The following PSG5 variants were observed in gnomAD, a reference collection of about 807,000 sequenced individuals.
The protein encoded by PSG5 is pregnancy-specific beta-1-glycoprotein 5.
PSG5 carries 53 observed loss-of-function variants against 37.7 expected under a neutral mutation model. That is an observed-to-expected ratio of 1.41 (90% CI 1.13 to 1.77). The LOEUF is 1.77. Ranked by LOEUF, PSG5 falls within the 40% of genes most tolerant of loss-of-function variation. The pLI is 0.00. For synonymous variants in PSG5, 221 were observed against 155.4 expected, an observed-to-expected ratio of 1.42 and a Z score of -3.14; for missense variants, 547 against 405.2, an observed-to-expected ratio of 1.35 and a Z score of -3.00.
In PSG5 at chr19:43,177,490, C is replaced by G. The variant is rs1244671473; in HGVS notation, c.431-1342G>C. 2.6e-5 allele frequency among the ~76,000 whole-genome samples: 4 copies of G among 151,026 alleles called. No individual in the cohort carries two copies. In the East Asian group the frequency reaches 7.7e-4, roughly 29 times the overall value. ...GTGGGCAAAAGTGGGAGGTGATAAG[C>G]CAAATATATTCCTGCCCTTTTTTTT... On this transcript the variant is annotated intron_variant, in intron 2 of 5. Transcript: ENST00000342951.
intron 2 of PSG5, among the ~76,000 whole-genome samples, chr19:43,183,759 C>A (rs1055784547): frequency 9.7e-5 from 14 of 144,144 alleles, no homozygotes; most frequent in Non-Finnish European, 1.9e-4. Flanking sequence ...AGTAAGCCCT[C>A]ACTTCTGGTG....
chr19:43,183,777 T>A lies in PSG5; in HGVS notation c.430+1005A>T, dbSNP rs532038660. Among the ~76,000 whole-genome samples the A allele has an allele frequency of 3.8e-3, 525 of 136,522 alleles. 5 individuals carry two copies. The highest frequency in any genetic ancestry group is 0.013 in the African/African-American group (506 of 38,254). The allele number at this position is 136,522 out of a possible 152,430, so 89.6% of individuals were successfully genotyped here. ...AAGCCCTCACTTCTGGTGGAGAAGA[T>A]GGGCCTGTGGCTGCAGACAGACCTC... is the stretch of plus-strand genomic sequence containing the variant. On this transcript the variant is annotated intron_variant, in intron 2 of 5. Transcript: ENST00000342951.
chr19:43,174,058 C>T (rs1206379449), intron 4 of PSG5: 1 of 151,762 alleles, frequency 6.6e-6, no homozygotes, highest in Non-Finnish European at 1.5e-5. Context: ...TCCAATACAT[C>T]GTGCAAAATG....
chr19:43,170,260 C>T, intron 4 of PSG5, 122 bp from the exon 5 acceptor site: 2 of 964,562 alleles, frequency 2.1e-6, no homozygotes, highest in South Asian at 1.5e-5. Context: ...TACATTATTC[C>T]TCTTGGGAAA....
intron 2 of PSG5, chr19:43,183,322 C>G (rs1474186962): frequency 2.2e-5 from 10 of 458,688 alleles, no homozygotes; most frequent in Middle Eastern, 7.6e-4. Context: ...GGACAAGGGA[C>G]AGGTGTGGCT....
At chr19:43,178,978 T>G (rs757707506) in intron 2 of PSG5, 23 of 1,612,656 alleles carry the variant, frequency 1.4e-5, no homozygotes, top group East Asian at 6.7e-5. Context: ...ACACCAAATA[T>G]AAAGAGGGTC....
intron 4 of PSG5, chr19:43,174,920 G>A (rs1968973122): frequency 7.9e-6 from 10 of 1,262,474 alleles, no homozygotes; most frequent in Admixed American, 3.0e-5. Flanking sequence ...ACTTGATCTT[G>A]AGGACTCTCC....
chr19:43,171,340 A>G (rs933364476), intron 4 of PSG5: 1 of 152,028 alleles, frequency 6.6e-6, no homozygotes, highest in East Asian at 1.9e-4. Flanking sequence ...TCTCATTGCA[A>G]TTTTCAGGTG....
chr19:43,173,631 T>C (rs1968947166), intron 4 of PSG5, among the ~76,000 whole-genome samples: 1 of 151,552 alleles, frequency 6.6e-6, no homozygotes, highest in African/African-American at 2.4e-5. Flanking sequence ...CTTAGAGATA[T>C]GCAAATCAAA....
At chr19:43,172,001 AAAAG>A (rs1414353757) in intron 4 of PSG5, among the ~76,000 whole-genome samples, 1 of 150,248 alleles carries the variant, frequency 6.7e-6, no homozygotes, top group African/African-American at 2.5e-5. Context: ...AAAAAAAAGA[AAAAG>A]AAAGAAAGAA....
chr19:43,175,262 G>C lies in PSG5; in HGVS notation c.917C>G (p.Ser306Ter). The change falls in exon 4 of 6, where the codon TCA (serine) becomes TGA (stop). Residue 306 changes from serine to a stop codon, truncating the protein, a stop_gained. Coordinates refer to ENST00000342951, the MANE Select transcript of PSG5 (RefSeq NM_002781.4). LOFTEE classifies it high-confidence loss of function. Reference protein sequence around the residue: ...RGLYTCSVRNSATGKESSKSM... With the variant: ...RGLYTCSVRN ...TTTGGAGCTTTCCTTGCCAGTAGCT[G>C]AGTTACGAACAGAGCAAGTATAGAG... The C allele has an allele frequency of 1.2e-6, 2 of 1,612,768 alleles. No individual in the cohort carries two copies. The highest frequency in any genetic ancestry group is 1.7e-6 in the Non-Finnish European group (2 of 1,179,204).
At position 43,179,293 on chromosome 19, in the gene PSG5, A is replaced by G. The variant is rs1568373930; in HGVS notation, c.431-3145T>C. ...AAAGCCCATGGCAGGTGTGTGTGTT[A>G]CAAGACAGATGCATGGCAATCTGAG... On this transcript the variant is annotated intron_variant, in intron 2 of 5. Coordinates refer to ENST00000342951, the MANE Select transcript of PSG5 (RefSeq NM_002781.4). 1.3e-5 allele frequency: 16 copies of G among 1,259,812 alleles called. 1 individual carries two copies. The highest frequency in any genetic ancestry group is 8.8e-5 in the South Asian group (6 of 68,200). The allele number at this position is 1,259,812 out of a possible 1,614,324, so 78.0% of individuals were successfully genotyped here. A position where few individuals can be genotyped will look rare whatever the true frequency, so the allele number is the denominator to read the frequency against.
rs201868685 is a variant in PSG5, at chr19:43,184,824, T to C, written c.388A>G (p.Arg130Gly). The change falls in exon 2 of 6, where the codon AGG becomes GGG. Residue 130 changes from arginine (R) to glycine (G), a missense_variant. Transcript: ENST00000342951. ...AAATATCCAGTTACTCCTCTAGTCCTATCACCTCGCTTTATGATGTGTAAG... is the reference window on the plus strand; with the variant it reads ...AAATATCCAGTTACTCCTCTAGTCCCATCACCTCGCTTTATGATGTGTAAG... ...YTLHIIKRGD[R>G]TRGVTGYFTF... 3.5e-5 allele frequency: 56 copies of C among 1,612,452 alleles called. 1 individual carries two copies. The Admixed American group carries it at 4.0e-4, about 12-fold the overall frequency.
At chr19:43,182,034 T>C (rs201669500) in intron 2 of PSG5, among the ~76,000 whole-genome samples, 1 of 151,666 alleles carries the variant, frequency 6.6e-6, no homozygotes, top group East Asian at 1.9e-4. Context: ...CAAAGTAGCA[T>C]GTCTGACTCC....
chr19:43,169,757 A>G (rs1731709987), intron 5 of PSG5, among the ~76,000 whole-genome samples: 1 of 151,698 alleles, frequency 6.6e-6, no homozygotes, highest in African/African-American at 2.4e-5. Context: ...AGAGAATTAC[A>G]CTATTGAGAG....
Position 43,186,433 on chromosome 19 carries a change from G to A in PSG5, c.-28C>T. On this transcript the variant is annotated 5_prime_UTR_variant, in exon 1 of 6. Transcript: ENST00000342951. ...TCTCTGCGCCTGCGTGTTCTCCTCTGTGGAGCTGAGCCTAGGATCCAGAAA... is the reference window on the plus strand; with the variant it reads ...TCTCTGCGCCTGCGTGTTCTCCTCTATGGAGCTGAGCCTAGGATCCAGAAA... 1 of 1,611,304 alleles carries A rather than the reference G, an allele frequency of 6.2e-7. No individual in the cohort carries two copies. The highest frequency in any genetic ancestry group is 8.5e-7 in the Non-Finnish European group (1 of 1,178,348).
At chr19:43,185,627 G>T (rs374732346) in intron 1 of PSG5, among the ~76,000 whole-genome samples, 1 of 151,538 alleles carries the variant, frequency 6.6e-6, no homozygotes, top group East Asian at 1.9e-4. Context: ...ATGACAGCGT[G>T]AGCTCTGTGA....
At position 43,168,176 on chromosome 19, in the gene PSG5, T is replaced by C. The variant is rs1968827098; in HGVS notation, c.*68A>G. The stretch of plus-strand genomic sequence containing the variant: ...ATTTTGGACTGTAGGTGATTGTAAG[T>C]AGTTTGAGGAAGAATCAAAGCAACT... On this transcript the variant is annotated 3_prime_UTR_variant, in exon 6 of 6. Transcript: ENST00000342951. 2.4e-6 allele frequency: 1 copy of C among 416,242 alleles called. No homozygotes were observed. Among genetic ancestry groups the C allele is most frequent in the Admixed American group, 4.5e-5 (1 of 22,468 alleles). The allele number at this position is 416,242 out of a possible 1,614,324, so 25.8% of individuals were successfully genotyped here. A position where few individuals can be genotyped will look rare whatever the true frequency, so the allele number is the denominator to read the frequency against.
Position 43,178,041 on chromosome 19 carries a change from C to G in PSG5, c.431-1893G>C, listed in dbSNP as rs767108100. On this transcript the variant is annotated intron_variant, in intron 2 of 5. Transcript: ENST00000342951. ...AGATTGTTCATTGTTAGTGTATAGC[C>G]TAAAGAATGATCTAGAAAGAGTGAA... Among the ~76,000 whole-genome samples the G allele has an allele frequency of 4.7e-4, 71 of 151,476 alleles. 2 individuals are homozygous for G. The highest frequency in any genetic ancestry group is 9.4e-4 in the Non-Finnish European group (64 of 67,916).
Sources: gnomAD v4.1 joint callset for allele counts (sites outside exome capture counted in the v4.1 genomes callset) on GRCh38, gnomAD v4.1.1 for gene constraint, MANE v1.5 for transcripts, NCBI Gene and HGNC (gene_info 2026-07-23, HGNC 2026-07-21) for gene names.